The following BUB1 variants were observed in gnomAD, a reference collection of about 807,000 sequenced individuals.
BUB1 encodes the protein BUB1 mitotic checkpoint serine/threonine kinase.
BUB1 carries 84 observed loss-of-function variants against 135.2 expected under a neutral mutation model. That is an observed-to-expected ratio of 0.62 (90% confidence interval 0.52 to 0.74). The LOEUF is 0.74. Among genes scored for constraint, BUB1 ranks in the 30% least tolerant of loss-of-function variants. BUB1 has a pLI of 0.00. For synonymous variants in BUB1, 403 were observed against 434.4 expected (o/e 0.93, Z 0.90); for missense variants, 1,162 against 1,288.3 (o/e 0.90, Z 1.50).
intron 9 of BUB1, among the ~76,000 whole-genome samples, chr2:110,665,121 G>A (rs1388310647): frequency 1.3e-5 from 2 of 152,196 alleles, no homozygotes; most frequent in Non-Finnish European, 2.9e-5. Flanking sequence ...AGTAGAATTA[G>A]TTAGATATCT....
At chr2:110,672,130 G>T (rs1690439757) in intron 4 of BUB1, among the ~76,000 whole-genome samples, 1 of 152,142 alleles carries the variant, frequency 6.6e-6, no homozygotes, top group South Asian at 2.1e-4. Flanking sequence ...AAGAGGCTGA[G>T]GCAGGAGAAT....
chr2:110,666,355 A>G lies in BUB1; in HGVS notation c.865T>C (p.Leu289=). ...TGAAGTTCATCCATTTTCTGTTTTAATAGCTGTTCTTCAAAAGCATTTGCT... is the reference window on the plus strand; with the variant it reads ...TGAAGTTCATCCATTTTCTGTTTTAGTAGCTGTTCTTCAAAAGCATTTGCT... ...KEANAFEEQL[L]KQKMDELHKK... The change falls in exon 9 of 25, where the codon TTA becomes CTA. Residue 289 remains leucine (L), a synonymous_variant. Coordinates refer to ENST00000302759, the MANE Select transcript of BUB1 (RefSeq NM_004336.5). The G allele has an allele frequency of 1.3e-6, 2 of 1,540,726 alleles. No individual in the cohort carries two copies. Among genetic ancestry groups the G allele is most frequent in the South Asian group, 1.3e-5 (1 of 77,672 alleles).
In BUB1 at chr2:110,667,542, G is replaced by C; in HGVS notation, c.784C>G (p.Arg262Gly). 1 of 1,612,836 alleles carries C rather than the reference G, an allele frequency of 6.2e-7. No homozygotes were observed. Among genetic ancestry groups the C allele is most frequent in the South Asian group, 1.1e-5 (1 of 90,738 alleles). Residue 262 changes from arginine (R) to glycine (G), a missense_variant, in exon 8 of 25, where the codon CGG becomes GGG. By Grantham distance (125) the Arg-to-Gly change is moderately radical. Transcript: ENST00000302759. ...GTACCCCATTGCTCATGCTTTCTCC[G>C]TTGATTGTATTTCTGGGCTCTCAAT... ...EELRAQKYNQRRKHEQWVNED... is the reference protein window; with the variant it reads ...EELRAQKYNQGRKHEQWVNED...
chr2:110,664,671 C>T (rs1257314466), intron 9 of BUB1, among the ~76,000 whole-genome samples: 1 of 150,366 alleles, frequency 6.7e-6, no homozygotes, highest in African/African-American at 2.5e-5. Context: ...CAGGGATATA[C>T]CACAGGAAAG....
Position 110,650,780 on chromosome 2 carries a change from T to C in BUB1, c.1969A>G (p.Ile657Val). The C allele has an allele frequency of 6.2e-7, 1 of 1,613,416 alleles. No homozygotes were observed. The highest frequency in any genetic ancestry group is 2.2e-5 in the East Asian group (1 of 44,872). Residue 657 changes from isoleucine (I) to valine (V), a missense_variant, in exon 18 of 25, where the codon ATT becomes GTT. Transcript: ENST00000302759. ...VPSRDGKFSPIQEKSPKQALS... is the reference protein window; with the variant it reads ...VPSRDGKFSPVQEKSPKQALS... Reference sequence around the variant, plus strand: ...GCCTGTTTTGGGCTTTTCTCTTGAATTGGACTGGACGTGTGAAAGGAATAA... The same window carrying C: ...GCCTGTTTTGGGCTTTTCTCTTGAACTGGACTGGACGTGTGAAAGGAATAA...
chr2:110,671,303 A>G (rs906565319), intron 4 of BUB1, among the ~76,000 whole-genome samples: 2 of 152,244 alleles, frequency 1.3e-5, no homozygotes, highest in African/African-American at 2.4e-5. Context: ...GATGTTTACA[A>G]TAGGGTTTGG....
rs931549582 is a variant in BUB1 at position 110,648,381 on chromosome 2, C to A, written c.2347+853G>T. On this transcript the variant is annotated intron_variant, in intron 19 of 24. Transcript: ENST00000302759. This position sits in a 1 kb window ranked among gnomAD's most constrained non-coding sequence, Gnocchi z 4.2. ...AGCAAAACAATCAGTGGTTGCCAGG[C>A]GTTGGGGGACAAGGAGGAAGGGATG... 1.3e-5 allele frequency among the ~76,000 whole-genome samples: 2 copies of A among 151,946 alleles called. No individual in the cohort carries two copies. Among genetic ancestry groups the A allele is most frequent in the Non-Finnish European group, 2.9e-5 (2 of 67,974 alleles).
At chr2:110,671,939 C>A (rs961625235) in intron 4 of BUB1, among the ~76,000 whole-genome samples, 1 of 152,128 alleles carries the variant, frequency 6.6e-6, no homozygotes, top group Admixed American at 6.5e-5. Context: ...ATATTCATCA[C>A]AGGCCAGGCG....
At chr2:110,677,842 G>A in intron 1 of BUB1, 128 bp downstream of exon 1, 3 of 1,150,298 alleles carry the variant, frequency 2.6e-6, no homozygotes, top group Admixed American at 2.8e-5. Flanking sequence ...GCCTTGCTGG[G>A]TGGGACACAT....
intron 20 of BUB1, 130 bp from the exon 21 acceptor site, chr2:110,641,933 G>A: frequency 1.7e-6 from 2 of 1,161,482 alleles, no homozygotes; most frequent in South Asian, 1.6e-5. Context: ...TTGCTGCAAT[G>A]TGGGGCTTGC....
intron 19 of BUB1, among the ~76,000 whole-genome samples, chr2:110,647,049 CT>C (rs1332982069): frequency 6.6e-6 from 1 of 152,128 alleles, no homozygotes; most frequent in Non-Finnish European, 1.5e-5. Flanking sequence ...AATTGATAAC[CT>C]TCCAAAACGG....
chr2:110,664,622 C>T (rs1690195956), intron 9 of BUB1, among the ~76,000 whole-genome samples: 1 of 144,950 alleles, frequency 6.9e-6, no homozygotes, highest in Non-Finnish European at 1.5e-5. Flanking sequence ...AGTGTGCCTT[C>T]GAAATGAGGA....
chr2:110,667,303 C>T (rs771087818), intron 8 of BUB1, among the ~76,000 whole-genome samples: 1 of 151,804 alleles, frequency 6.6e-6, no homozygotes, highest in Non-Finnish European at 1.5e-5. Context: ...AAGCAATTTC[C>T]AATTCAGAAA....
rs779959736 is a variant in BUB1, at chr2:110,658,664, G to A, written c.1355C>T (p.Thr452Met). 23 of 1,614,062 alleles carry A rather than the reference G, an allele frequency of 1.4e-5. No individual in the cohort carries two copies. The highest frequency in any genetic ancestry group is 1.1e-4 in the East Asian group (5 of 44,894). Residue 452 changes from threonine (T) to methionine (M), a missense_variant, in exon 12 of 25, where the codon ACG (threonine) becomes ATG (methionine). Transcript: ENST00000302759. ...GGGTGATGGCTGCACTTTGGATGGC[G>A]TTGCCTGAACCATTCCCAGTGATGT... is the stretch of plus-strand genomic sequence containing the variant. Reference protein sequence around the residue: ...PNTSLGMVQATPSKVQPSPTV... With the variant: ...PNTSLGMVQAMPSKVQPSPTV...
At position 110,639,790 on chromosome 2, in the gene BUB1, T is replaced by G; in HGVS notation, c.3014A>C (p.Lys1005Thr). Residue 1005 changes from lysine to threonine, a missense_variant, in exon 24 of 25, where the codon AAA (lysine) becomes ACA (threonine). Physicochemically the swap from Lys to Thr is moderately conservative, Grantham distance 78. Transcript: ENST00000302759. ...VYCMLFGTYM[K>T]VKNEGGECKP... ...ACACTCTCCTCCTTCATTTTTCACT[T>G]TCATGTAAGTGCCAAAGAGCATGCA... is the stretch of plus-strand genomic sequence containing the variant. 1 of 1,614,146 alleles carries G rather than the reference T, an allele frequency of 6.2e-7. No individual in the cohort carries two copies. Among genetic ancestry groups the G allele is most frequent in the Non-Finnish European group, 8.5e-7 (1 of 1,179,992 alleles).
Position 110,642,243 on chromosome 2 carries a change from A to G in BUB1, c.2348-9T>C, listed in dbSNP as rs1689525224. 6.5e-7 allele frequency: 1 copy of G among 1,548,982 alleles called. No homozygotes were observed. Among genetic ancestry groups the G allele is most frequent in the African/African-American group, 1.4e-5 (1 of 71,982 alleles). ...ATAGACCAGCTTAGAACCTTAGAAG[A>G]TAATTGAAAATTTTAATTTATGTAC... On this transcript the variant is annotated splice_polypyrimidine_tract_variant and intron_variant, in intron 19 of 24. Coordinates refer to ENST00000302759, the MANE Select transcript of BUB1 (RefSeq NM_004336.5).
chr2:110,650,208 G>T (rs539865572), intron 18 of BUB1, among the ~76,000 whole-genome samples: 1 of 124,228 alleles, frequency 8.0e-6, no homozygotes, highest in Non-Finnish European at 1.6e-5. Flanking sequence ...GGGGGTGGGC[G>T]GGGGGGGGTG....
At chr2:110,668,442 T>C (rs1690326221) in intron 6 of BUB1, among the ~76,000 whole-genome samples, 2 of 152,338 alleles carry the variant, frequency 1.3e-5, no homozygotes, top group South Asian at 4.1e-4. Context: ...CAAGCTGCAC[T>C]ACCTGTCAAA....
intron 13 of BUB1, 44 bp downstream of exon 13, chr2:110,658,366 C>T (rs747592261): frequency 1.4e-6 from 2 of 1,459,786 alleles, no homozygotes; most frequent in African/African-American, 2.8e-5. Flanking sequence ...CTGTGATAAC[C>T]ACCTATAATG....
Sources: allele counts gnomAD v4.1 joint callset (sites outside exome capture counted in the v4.1 genomes callset), GRCh38; gene constraint gnomAD v4.1.1; non-coding constraint Gnocchi (gnomAD v3.1); transcripts MANE v1.5; gene names NCBI Gene and HGNC (gene_info 2026-07-23, HGNC 2026-07-21).